Variants in TENM4 observed in about 807,000 individuals in gnomAD.
The protein encoded by TENM4 is teneurin-4.
TENM4 carries 82 observed loss-of-function variants against 243.3 expected under a neutral mutation model. The observed-to-expected ratio is 0.34, with a 90% CI of 0.28 to 0.40. The LOEUF (loss-of-function observed/expected upper bound fraction) is 0.40. TENM4 is among the 10% of genes least tolerant of loss of function. The probability of loss-of-function intolerance (pLI) is 1.00; values close to 1 mark genes in which losing one functional copy is unlikely to be tolerated. For missense variants in TENM4, 3,138 were observed against 3,673.3 expected, an observed-to-expected ratio of 0.85 and a Z score of 3.77; for synonymous variants, 1,412 against 1,456.3, an observed-to-expected ratio of 0.97 and a Z score of 0.69.
intron 1 of TENM4, among the ~76,000 whole-genome samples, chr11:79,302,057 C>T (rs554050708): frequency 6.6e-5 from 10 of 152,258 alleles, no homozygotes; most frequent in Non-Finnish European, 8.8e-5. Flanking sequence ...ACTGTCTATC[C>T]GGAATTTAGC....
At chr11:79,148,259 T>C (rs1469483410) in intron 4 of TENM4, among the ~76,000 whole-genome samples, 1 of 152,132 alleles carries the variant, frequency 6.6e-6, no homozygotes, top group Non-Finnish European at 1.5e-5. Flanking sequence ...CATTCACCTA[T>C]TTTAGGATGT....
rs1385818916 is a variant in TENM4, at chr11:78,812,213, C to T, written c.1887G>A (p.Gln629=). 1 of 1,551,922 alleles carries T rather than the reference C, an allele frequency of 6.4e-7. No individual in the cohort carries two copies. Among genetic ancestry groups the T allele is most frequent in the South Asian group, 1.2e-5 (1 of 84,060 alleles). The change falls in exon 14 of 34, where the codon CAG becomes CAA. Residue 629 remains glutamine, a synonymous_variant. Coordinates refer to ENST00000278550, the MANE Select transcript of TENM4 (RefSeq NM_001098816.3). ...GGTTGCTGCAGGCCACATCGATACA[C>T]TGGTTGGTGGGCACATCGCACTCAG... ...KGAECDVPTN[Q]CIDVACSNHG...
chr11:79,056,915 G>A (rs1173508098), intron 6 of TENM4, among the ~76,000 whole-genome samples: 2 of 152,196 alleles, frequency 1.3e-5, no homozygotes, highest in African/African-American at 4.8e-5. Flanking sequence ...TACAGTACTG[G>A]CAAGCCATTT....
chr11:78,920,553 C>T (rs140859406), intron 6 of TENM4, among the ~76,000 whole-genome samples: 1 of 152,244 alleles, frequency 6.6e-6, no homozygotes, highest in Non-Finnish European at 1.5e-5. Flanking sequence ...CGCTGCATTA[C>T]TCCTGGACGC....
At chr11:78,901,792 C>G (rs903370730) in intron 7 of TENM4, among the ~76,000 whole-genome samples, 2 of 152,134 alleles carry the variant, frequency 1.3e-5, no homozygotes, top group African/African-American at 4.8e-5. Flanking sequence ...AAATCACACA[C>G]GATTTTAAAG....
chr11:79,153,318 A>C (rs571303998), intron 3 of TENM4, among the ~76,000 whole-genome samples: 9 of 152,228 alleles, frequency 5.9e-5, no homozygotes, highest in Non-Finnish European at 1.3e-4. Flanking sequence ...GTGTGAATAC[A>C]TGTCCAAAGC....
intron 12 of TENM4, among the ~76,000 whole-genome samples, chr11:78,850,499 A>G (rs1466977636): frequency 6.6e-6 from 1 of 152,224 alleles, no homozygotes; most frequent in East Asian, 1.9e-4. Context: ...CTGCCAAGAC[A>G]AATTACTACT....
intron 2 of TENM4, among the ~76,000 whole-genome samples, chr11:79,249,685 G>T (rs542412429): frequency 1.1e-4 from 17 of 152,262 alleles, no homozygotes; most frequent in Middle Eastern, 3.4e-3. Flanking sequence ...TAATAAGCTG[G>T]TCATTTAAAA....
At chr11:79,149,493 C>T (rs1009274352) in intron 3 of TENM4, among the ~76,000 whole-genome samples, 1 of 151,838 alleles carries the variant, frequency 6.6e-6, no homozygotes, top group Non-Finnish European at 1.5e-5. Flanking sequence ...GTTATCATTT[C>T]TTTTTGATCT....
At chr11:79,435,637 G>A (rs927518249) in intron 1 of TENM4, among the ~76,000 whole-genome samples, 4 of 152,220 alleles carry the variant, frequency 2.6e-5, no homozygotes, top group African/African-American at 7.2e-5. Flanking sequence ...ACTACAAAAG[G>A]TTTGGGCTGG....
chr11:79,146,756 G>A (rs1862401817), intron 4 of TENM4, among the ~76,000 whole-genome samples: 1 of 152,098 alleles, frequency 6.6e-6, no homozygotes, highest in African/African-American at 2.4e-5. Flanking sequence ...GCTCCTGAGA[G>A]CAGCCCTATC....
At chr11:78,760,922 TCTTA>T (rs1348055772) in intron 18 of TENM4, among the ~76,000 whole-genome samples, 1 of 152,264 alleles carries the variant, frequency 6.6e-6, no homozygotes, top group Admixed American at 6.5e-5. Flanking sequence ...TCATAAATTA[TCTTA>T]CTTTAAAATT....
At chr11:79,348,753 T>C (rs1369749769) in intron 1 of TENM4, among the ~76,000 whole-genome samples, 1 of 152,170 alleles carries the variant, frequency 6.6e-6, no homozygotes, top group Non-Finnish European at 1.5e-5. Flanking sequence ...TGTCTGTTGT[T>C]TAAGCCACCC....
intron 6 of TENM4, among the ~76,000 whole-genome samples, chr11:79,035,915 A>G (rs746175160): frequency 2.6e-5 from 4 of 152,178 alleles, no homozygotes; most frequent in Admixed American, 6.5e-5. Flanking sequence ...ACATTTTCCT[A>G]TTTATTTTCA....
At chr11:79,283,932 C>A (rs1019299162) in intron 2 of TENM4, among the ~76,000 whole-genome samples, 1 of 151,794 alleles carries the variant, frequency 6.6e-6, no homozygotes, top group African/African-American at 2.4e-5. Flanking sequence ...AAAATGCAAT[C>A]AAGAAAATAA....
intron 2 of TENM4, among the ~76,000 whole-genome samples, chr11:79,284,415 C>G (rs1046730822): frequency 6.6e-6 from 1 of 152,094 alleles, no homozygotes; most frequent in Non-Finnish European, 1.5e-5. Flanking sequence ...CATTTATAGT[C>G]ATTTGATTTT....
At chr11:78,860,566 T>G (rs1236710005) in intron 10 of TENM4, among the ~76,000 whole-genome samples, 1 of 152,242 alleles carries the variant, frequency 6.6e-6, no homozygotes, top group Non-Finnish European at 1.5e-5. Flanking sequence ...AAAGACTTTC[T>G]GCATTGAGAT....
intron 12 of TENM4, among the ~76,000 whole-genome samples, chr11:78,841,478 C>T (rs1019330252): frequency 6.6e-6 from 1 of 152,104 alleles, no homozygotes; most frequent in African/African-American, 2.4e-5. Flanking sequence ...TGAATCCTAC[C>T]CTGTATCCCA....
At chr11:78,859,317 C>T (rs1363654368) in intron 10 of TENM4, among the ~76,000 whole-genome samples, 1 of 152,102 alleles carries the variant, frequency 6.6e-6, no homozygotes, top group Non-Finnish European at 1.5e-5. Flanking sequence ...ACTGGGTGCC[C>T]CCAGAGACTT....
Sources: gnomAD v4.1 joint callset for allele counts (sites outside exome capture counted in the v4.1 genomes callset) on GRCh38, gnomAD v4.1.1 for gene constraint, MANE v1.5 for transcripts, NCBI Gene and HGNC (gene_info 2026-07-23, HGNC 2026-07-21) for gene names.